VAPB: variants seen among roughly 807,000 people sequenced by gnomAD.
VAPB encodes VAMP associated protein B and C.
A neutral mutation model predicts 25.6 loss-of-function variants in VAPB; 7 were observed. That is an observed-to-expected ratio of 0.27 (90% CI 0.16 to 0.51). The LOEUF (loss-of-function observed/expected upper bound fraction) is 0.51, where lower values mean the gene tolerates loss of function less well. VAPB is among the 20% of genes least tolerant of loss of function. The pLI is 0.97. For missense variants in VAPB, 266 were observed against 301.3 expected (o/e 0.88, Z 0.87); for synonymous variants, 112 against 109.2 (o/e 1.03, Z -0.16).
At chr20:58,402,514 A>G (rs946488782) in intron 1 of VAPB, among the ~76,000 whole-genome samples, 6 of 151,182 alleles carry the variant, frequency 4.0e-5, no homozygotes, top group African/African-American at 9.7e-5. Flanking sequence ...GTCATTGGCA[A>G]CGTGATACGT....
intron 2 of VAPB, among the ~76,000 whole-genome samples, chr20:58,427,966 A>G (rs1988843262): frequency 6.7e-6 from 1 of 150,206 alleles, no homozygotes; most frequent in African/African-American, 2.5e-5. Context: ...GGCGAAAGTG[A>G]TCTGTGATCT....
At chr20:58,413,010 G>A (rs1340508982) in intron 1 of VAPB, among the ~76,000 whole-genome samples, 2 of 151,976 alleles carry the variant, frequency 1.3e-5, no homozygotes, top group Non-Finnish European at 2.9e-5. Context: ...GGATTGTGAC[G>A]GTCTTTGACC....
At chr20:58,422,023 G>A (rs1988679665) in intron 2 of VAPB, among the ~76,000 whole-genome samples, 1 of 152,168 alleles carries the variant, frequency 6.6e-6, no homozygotes, top group South Asian at 2.1e-4. Flanking sequence ...ATAAACTTAG[G>A]TGGTAAAGTA....
At chr20:58,402,551 G>GC (rs1208120292) in intron 1 of VAPB, among the ~76,000 whole-genome samples, 1 of 144,796 alleles carries the variant, frequency 6.9e-6, no homozygotes, top group Non-Finnish European at 1.5e-5. Context: ...TAGTCAGCAA[G>GC]CCCCCCCACC....
intron 1 of VAPB, among the ~76,000 whole-genome samples, chr20:58,400,667 G>C (rs1448955218): frequency 4.6e-5 from 7 of 151,994 alleles, no homozygotes; most frequent in East Asian, 3.9e-4. Flanking sequence ...TCTTCTTCTT[G>C]TTTTCTTTTC....
chr20:58,450,616 G>A lies in VAPB; in HGVS notation c.*6381G>A, dbSNP rs1367230232. Reference sequence around the variant, plus strand: ...CTTTCCTCTGCTTTCTGAATAAATGGTTTCAGTAACCCATGCTGTTCTCTC... The same window carrying A: ...CTTTCCTCTGCTTTCTGAATAAATGATTTCAGTAACCCATGCTGTTCTCTC... On this transcript the variant is annotated 3_prime_UTR_variant, in exon 6 of 6. Transcript: ENST00000475243. 7 of 453,770 alleles carry A rather than the reference G, an allele frequency of 1.5e-5. No homozygotes were observed. The highest frequency in any genetic ancestry group is 1.1e-4 in the South Asian group (7 of 64,460). The allele number at this position is 453,770 out of a possible 1,614,324, so 28.1% of individuals were successfully genotyped here. A position where few individuals can be genotyped will look rare whatever the true frequency, so the allele number is the denominator to read the frequency against.
chr20:58,434,531 C>CAACCA, intron 2 of VAPB, 71 bp from the exon 3 acceptor site: 1 of 809,210 alleles, frequency 1.2e-6, no homozygotes. Context: ...AACCAAAGTA[C>CAACCA]AAGTATTAGC....
intron 1 of VAPB, among the ~76,000 whole-genome samples, chr20:58,395,019 C>G (rs951929865): frequency 6.6e-6 from 1 of 152,106 alleles, no homozygotes; most frequent in Non-Finnish European, 1.5e-5. Flanking sequence ...GTGTTATTAT[C>G]GCTAAGTAGT....
chr20:58,411,142 C>T (rs905682948), intron 1 of VAPB, among the ~76,000 whole-genome samples: 1 of 152,184 alleles, frequency 6.6e-6, no homozygotes, highest in Non-Finnish European at 1.5e-5. Context: ...TTTTTCATTC[C>T]CACCAGCAGT....
chr20:58,390,966 C>A (rs1471447174), intron 1 of VAPB, among the ~76,000 whole-genome samples: 3 of 152,168 alleles, frequency 2.0e-5, no homozygotes. Flanking sequence ...AATGAAAAAA[C>A]CGAAAAACCC....
In VAPB at chr20:58,448,423, A is replaced by G. The variant is rs1042079219; in HGVS notation, c.*4188A>G. On this transcript the variant is annotated 3_prime_UTR_variant, in exon 6 of 6. Transcript: ENST00000475243. ...TCAATGCCACTCCTTACCTGTATAG[A>G]ACATTTCCAATACATTCGCTCATTG... The G allele has an allele frequency of 4.4e-6, 2 of 454,126 alleles. No individual in the cohort carries two copies. The highest frequency in any genetic ancestry group is 8.8e-6 in the Non-Finnish European group (2 of 226,792). The allele number at this position is 454,126 out of a possible 1,614,324, so 28.1% of individuals were successfully genotyped here.
intron 1 of VAPB, among the ~76,000 whole-genome samples, chr20:58,410,068 A>G (rs57030617): frequency 0.11 from 16,684 of 152,166 alleles, 1,037 homozygotes; most frequent in Middle Eastern, 0.17. Context: ...AATATAGTTT[A>G]GAACAGTTTT....
Position 58,427,102 on chromosome 20 carries a change from C to T in VAPB, c.212-7500C>T, listed in dbSNP as rs62205710. On this transcript the variant is annotated intron_variant, in intron 2 of 5. Transcript: ENST00000475243. ...TGATCTGTTACCGTTATGATGCAGGCGAAAGTGATCTGTGATCTGTTACCA... is the reference window on the plus strand; with the variant it reads ...TGATCTGTTACCGTTATGATGCAGGTGAAAGTGATCTGTGATCTGTTACCA... Among the ~76,000 whole-genome samples, 917 of 143,802 alleles carry T rather than the reference C, an allele frequency of 6.4e-3. 7 individuals are homozygous for T. Among genetic ancestry groups the T allele is most frequent in the East Asian group, 0.026 (121 of 4,662 alleles). The allele number at this position is 143,802 out of a possible 152,430, so 94.3% of individuals were successfully genotyped here.
chr20:58,448,922 T>TA lies in VAPB; in HGVS notation c.*4688dup, dbSNP rs1416363264. ...ATGGGAGCGCTTTATATGGAGGCTT[T>TA]ACATGACTTGTAAATTAAATGTGAA... is the stretch of plus-strand genomic sequence containing the variant. On this transcript the variant is annotated 3_prime_UTR_variant, in exon 6 of 6. Transcript: ENST00000475243. 1 of 454,132 alleles carries TA rather than the reference T, an allele frequency of 2.2e-6. No individual in the cohort carries two copies. The highest frequency in any genetic ancestry group is 4.4e-6 in the Non-Finnish European group (1 of 226,798). 28.1% of individuals were successfully genotyped at this position (454,132 alleles called of 1,614,324 possible). A position where few individuals can be genotyped will look rare whatever the true frequency, so the allele number is the denominator to read the frequency against.
chr20:58,448,917 G>A lies in VAPB; in HGVS notation c.*4682G>A. On this transcript the variant is annotated 3_prime_UTR_variant, in exon 6 of 6. Coordinates refer to ENST00000475243, the MANE Select transcript of VAPB (RefSeq NM_004738.5). Reference sequence around the variant, plus strand: ...AGATGATGGGAGCGCTTTATATGGAGGCTTTACATGACTTGTAAATTAAAT... The same window carrying A: ...AGATGATGGGAGCGCTTTATATGGAAGCTTTACATGACTTGTAAATTAAAT... 1 of 454,052 alleles carries A rather than the reference G, an allele frequency of 2.2e-6. No individual in the cohort carries two copies. Among genetic ancestry groups the A allele is most frequent in the Non-Finnish European group, 4.4e-6 (1 of 226,780 alleles). 28.1% of individuals were successfully genotyped at this position (454,052 alleles called of 1,614,324 possible).
chr20:58,440,995 A>T lies in VAPB; in HGVS notation c.485A>T (p.Asp162Val), dbSNP rs768362290. Residue 162 changes from aspartate (D) to valine (V), a missense_variant, in exon 5 of 6, where the codon GAT becomes GTT. Transcript: ENST00000475243. The part of the protein sequence containing the change: ...IVSKSLSSSL[D>V]DTEVKKVMEE... ...TCTAAGTCTCTGAGTTCTTCTTTGGATGACACCGAAGTTAAGAAGGTTATG... is the reference window on the plus strand; with the variant it reads ...TCTAAGTCTCTGAGTTCTTCTTTGGTTGACACCGAAGTTAAGAAGGTTATG... 6.2e-7 allele frequency: 1 copy of T among 1,614,128 alleles called. No individual in the cohort carries two copies. The highest frequency in any genetic ancestry group is 8.5e-7 in the Non-Finnish European group (1 of 1,180,008).
intron 1 of VAPB, 35 bp from the exon 2 acceptor site, chr20:58,418,176 T>C (rs771203377): frequency 9.3e-6 from 15 of 1,612,838 alleles, no homozygotes; most frequent in African/African-American, 1.3e-5. Flanking sequence ...ACTTTCCTCA[T>C]GAGACCCCCA....
At chr20:58,402,144 T>C (rs1988109914) in intron 1 of VAPB, among the ~76,000 whole-genome samples, 2 of 152,230 alleles carry the variant, frequency 1.3e-5, no homozygotes, top group African/African-American at 2.4e-5. Flanking sequence ...AAAGTTTAAA[T>C]TCTTTAACAA....
chr20:58,413,768 C>CG (rs1988443707), intron 1 of VAPB, among the ~76,000 whole-genome samples: 1 of 148,400 alleles, frequency 6.7e-6, no homozygotes, highest in African/African-American at 2.5e-5. Context: ...GCTGGCCGGG[C>CG]GGGGGGCTGA....
Sources: allele counts gnomAD v4.1 joint callset (sites outside exome capture counted in the v4.1 genomes callset), GRCh38; gene constraint gnomAD v4.1.1; transcripts MANE v1.5; gene names NCBI Gene and HGNC (gene_info 2026-07-23, HGNC 2026-07-21).